The following PCSK5 variants were observed in gnomAD, a reference collection of about 807,000 sequenced individuals.
The protein encoded by PCSK5 is prohormone convertase 5.
In PCSK5, 129 loss-of-function variants were observed where a neutral mutation model predicts 233.2. That is an observed-to-expected ratio of 0.55 (90% confidence interval 0.48 to 0.64). The LOEUF (loss-of-function observed/expected upper bound fraction) is 0.64. Among genes scored for constraint, PCSK5 ranks in the 30% least tolerant of loss-of-function variants. The probability of loss-of-function intolerance (pLI) is 0.00; values close to 1 mark genes in which losing one functional copy is unlikely to be tolerated. For missense variants in PCSK5, 2,076 were observed against 2,430.1 expected (o/e 0.85, Z 3.06); for synonymous variants, 825 against 879.2 (o/e 0.94, Z 1.09).
rs10121458 is a variant in PCSK5, at chr9:76,183,980, G to C, written c.2198-693G>C. On this transcript the variant is annotated intron_variant, in intron 16 of 37. Coordinates refer to ENST00000674117, the MANE Select transcript of PCSK5 (RefSeq NM_001372043.1). ...GCCAACTTTTTTCAATATGGACCTG[G>C]TAGTAACTAGGAAAGCAAGTATTCA... Among the ~76,000 whole-genome samples the C allele has an allele frequency of 3.7e-3, 569 of 152,222 alleles. 8 individuals are homozygous for C. The highest frequency in any genetic ancestry group is 0.013 in the African/African-American group (542 of 41,528).
chr9:76,325,995 A>T (rs1564182141), intron 32 of PCSK5, among the ~76,000 whole-genome samples: 1 of 152,176 alleles, frequency 6.6e-6, no homozygotes, highest in Non-Finnish European at 1.5e-5. Context: ...TGGAAGAAAC[A>T]GTGACAACCT....
At chr9:76,220,574 C>T (rs1375973411) in intron 20 of PCSK5, among the ~76,000 whole-genome samples, 1 of 150,392 alleles carries the variant, frequency 6.6e-6, no homozygotes, top group Admixed American at 6.6e-5. Flanking sequence ...TACCTCCATC[C>T]CACCCCCAAA....
At chr9:76,175,222 A>AAATGGAATGG (rs1823526270) in intron 14 of PCSK5, 93 bp downstream of exon 14, 2 of 510,750 alleles carry the variant, frequency 3.9e-6, no homozygotes, top group African/African-American at 4.3e-5. Context: ...GAATGGAATG[A>AAATGGAATGG]AATGGAATGG....
chr9:76,160,685 A>C (rs533141000), intron 12 of PCSK5, among the ~76,000 whole-genome samples: 5 of 152,126 alleles, frequency 3.3e-5, no homozygotes, highest in Non-Finnish European at 5.9e-5. Context: ...AAAATCCCTA[A>C]CTTCATCTAC....
intron 36 of PCSK5, 58 bp downstream of exon 36, chr9:76,350,986 A>T (rs1830108545): frequency 1.2e-6 from 1 of 831,220 alleles, no homozygotes; most frequent in East Asian, 2.5e-5. Flanking sequence ...ACATGAGCTT[A>T]CTTCCTGCAT....
chr9:76,257,663 C>T lies in PCSK5; in HGVS notation c.3142+16979C>T, dbSNP rs187285585. ...GAAGCAGAACGGGGACTAAACGCTG[C>T]GGCAAGCTGGAGAAGGACCAGTTCC... On this transcript the variant is annotated intron_variant, in intron 24 of 37. Transcript: ENST00000674117. 3.2e-3 allele frequency among the ~76,000 whole-genome samples: 480 copies of T among 152,262 alleles called. 2 individuals carry two copies. Among genetic ancestry groups the T allele is most frequent in the African/African-American group, 0.01 (428 of 41,554 alleles).
At chr9:76,061,033 T>C (rs1456796866) in intron 5 of PCSK5, among the ~76,000 whole-genome samples, 1 of 152,142 alleles carries the variant, frequency 6.6e-6, no homozygotes, top group Non-Finnish European at 1.5e-5. Flanking sequence ...CTAAATATCT[T>C]TTTTTAACTG....
At chr9:75,954,258 ATTG>A (rs369336917) in intron 2 of PCSK5, among the ~76,000 whole-genome samples, 9 of 152,224 alleles carry the variant, frequency 5.9e-5, no homozygotes, top group African/African-American at 1.9e-4. Flanking sequence ...TTGGAACTCT[ATTG>A]TTCAGATTAC....
chr9:76,192,983 C>CG (rs1554704001), intron 20 of PCSK5, among the ~76,000 whole-genome samples: 1 of 147,414 alleles, frequency 6.8e-6, no homozygotes, highest in Non-Finnish European at 1.5e-5. Flanking sequence ...TTTTTCTAAT[C>CG]TTTTTTTTTT....
At position 76,159,124 on chromosome 9, in the gene PCSK5, C is replaced by A; in HGVS notation, c.1572C>A (p.Ile524=). ...ACCCCAGGAGAGGAGACCTGGCCAT[C>A]TACCTGACCTCGCCCTCTGGAACTA... ...ITHPRRGDLA[I]YLTSPSGTRS... The change falls in exon 12 of 38, where the codon ATC becomes ATA. Residue 524 remains isoleucine (I), a synonymous_variant. Transcript: ENST00000674117. 6.2e-7 allele frequency: 1 copy of A among 1,614,184 alleles called. No homozygotes were observed. The highest frequency in any genetic ancestry group is 1.3e-5 in the African/African-American group (1 of 75,062).
intron 6 of PCSK5, among the ~76,000 whole-genome samples, chr9:76,071,319 G>A (rs1404445163): frequency 6.6e-6 from 1 of 152,108 alleles, no homozygotes; most frequent in East Asian, 1.9e-4. Context: ...TTTCCAAATA[G>A]TATATGACTG....
chr9:76,251,200 A>G (rs1196793598), intron 24 of PCSK5, among the ~76,000 whole-genome samples: 1 of 152,270 alleles, frequency 6.6e-6, no homozygotes, highest in South Asian at 2.1e-4. Context: ...CCAGGAGTTC[A>G]AAGCGGCAGT....
At chr9:76,352,629 A>C (rs1830195830) in intron 36 of PCSK5, among the ~76,000 whole-genome samples, 2 of 152,036 alleles carry the variant, frequency 1.3e-5, no homozygotes, top group South Asian at 4.1e-4. Context: ...CAGCCTCCCA[A>C]AGTGCTAGGA....
intron 8 of PCSK5, among the ~76,000 whole-genome samples, chr9:76,100,316 T>G (rs975338280): frequency 6.6e-6 from 1 of 152,268 alleles, no homozygotes; most frequent in African/African-American, 2.4e-5. Flanking sequence ...TGTTCACATT[T>G]CATGTCTCAC....
intron 1 of PCSK5, among the ~76,000 whole-genome samples, chr9:75,898,501 C>T (rs867290354): frequency 6.6e-6 from 1 of 152,086 alleles, no homozygotes; most frequent in Non-Finnish European, 1.5e-5. Flanking sequence ...ATCACTTTGT[C>T]TAGGAGGGTA....
intron 1 of PCSK5, among the ~76,000 whole-genome samples, chr9:75,918,853 A>G (rs1203947599): frequency 6.6e-6 from 1 of 152,202 alleles, no homozygotes; most frequent in East Asian, 1.9e-4. Context: ...CATCAATTTG[A>G]TCATATATTT....
chr9:76,055,389 T>C (rs1164507925), intron 5 of PCSK5, among the ~76,000 whole-genome samples: 1 of 152,172 alleles, frequency 6.6e-6, no homozygotes, highest in Non-Finnish European at 1.5e-5. Context: ...ACTATATGAT[T>C]TCTTTTTACT....
chr9:75,988,681 G>A (rs1826631923), intron 3 of PCSK5, among the ~76,000 whole-genome samples: 1 of 152,206 alleles, frequency 6.6e-6, no homozygotes, highest in African/African-American at 2.4e-5. Flanking sequence ...CTCCCAAAGT[G>A]TTGGGATTAC....
At chr9:76,257,795 C>A (rs777126631) in intron 24 of PCSK5, among the ~76,000 whole-genome samples, 2 of 152,164 alleles carry the variant, frequency 1.3e-5, no homozygotes, top group Non-Finnish European at 2.9e-5. Flanking sequence ...CTCTCCAAAC[C>A]TTAGTCATGT....
Sources: allele counts gnomAD v4.1 joint callset (sites outside exome capture counted in the v4.1 genomes callset), GRCh38; gene constraint gnomAD v4.1.1; transcripts MANE v1.5; gene names NCBI Gene and HGNC (gene_info 2026-07-23, HGNC 2026-07-21).